Variants in PHC3 observed in about 807,000 individuals in gnomAD.
PHC3 encodes the protein polyhomeotic homolog 3, also known as polyhomeotic-like protein 3.
Under a neutral mutation model 107.4 loss-of-function variants are expected in PHC3, and 13 were observed. That is an observed-to-expected ratio of 0.12 (90% CI 0.08 to 0.19). PHC3 has a LOEUF of 0.19. PHC3 is among the 10% of genes least tolerant of loss of function. PHC3 has a pLI of 1.00. For missense variants in PHC3, 992 were observed against 1,210.9 expected (o/e 0.82, Z 2.68); for synonymous variants, 456 against 427.4 (o/e 1.07, Z -0.83).
intron 4 of PHC3, among the ~76,000 whole-genome samples, chr3:170,162,194 T>C (rs1029211502): frequency 1.3e-5 from 2 of 152,180 alleles, no homozygotes; most frequent in Non-Finnish European, 2.9e-5. Flanking sequence ...CATCACACCA[T>C]GAACAGTAGT....
chr3:170,179,046 G>A, intron 1 of PHC3, 108 bp from the exon 2 acceptor site: 1 of 1,087,834 alleles, frequency 9.2e-7, no homozygotes, highest in Admixed American at 2.3e-5. Flanking sequence ...TGCTAGGAAG[G>A]CTCTCATAAA....
chr3:170,128,243 G>A, intron 8 of PHC3: 4 of 521,630 alleles, frequency 7.7e-6, no homozygotes, highest in South Asian at 4.2e-5. Flanking sequence ...AAAAGCCCAA[G>A]ACTCTAGGAT....
At chr3:170,180,053 C>T (rs1731128754) in intron 1 of PHC3, among the ~76,000 whole-genome samples, 1 of 151,046 alleles carries the variant, frequency 6.6e-6, no homozygotes, top group Non-Finnish European at 1.5e-5. Context: ...ATTACCATAG[C>T]GTTGCTTTTT....
chr3:170,181,556 C>T, intron 1 of PHC3, 146 bp downstream of exon 1: 3 of 1,197,220 alleles, frequency 2.5e-6, no homozygotes, highest in Non-Finnish European at 3.6e-6. Context: ...ACGGGCCTAG[C>T]CGGCTCCTCC....
chr3:170,143,721 C>T (rs1577140043), intron 6 of PHC3, among the ~76,000 whole-genome samples: 1 of 152,306 alleles, frequency 6.6e-6, no homozygotes, highest in Non-Finnish European at 1.5e-5. Flanking sequence ...GTGTAACTTA[C>T]ATACAATAAA....
chr3:170,119,385 G>T (rs988240693), intron 9 of PHC3, among the ~76,000 whole-genome samples: 19 of 152,124 alleles, frequency 1.2e-4, no homozygotes, highest in African/African-American at 4.6e-4. Flanking sequence ...AATTTGGTTT[G>T]TTCAAGAAAT....
chr3:170,146,042 C>A (rs981532134), intron 5 of PHC3, among the ~76,000 whole-genome samples: 7 of 152,174 alleles, frequency 4.6e-5, no homozygotes, highest in African/African-American at 1.7e-4. Flanking sequence ...AAGGACAAAT[C>A]CAGGTTGCCC....
At chr3:170,152,748 T>C (rs1287427311) in intron 4 of PHC3, among the ~76,000 whole-genome samples, 1 of 151,218 alleles carries the variant, frequency 6.6e-6, no homozygotes, top group African/African-American at 2.4e-5. Context: ...GCAGCCCCAA[T>C]TTCCTAGACT....
chr3:170,115,197 T>A (rs1302605085), intron 10 of PHC3, among the ~76,000 whole-genome samples: 1 of 152,046 alleles, frequency 6.6e-6, no homozygotes, highest in African/African-American at 2.4e-5. Context: ...GGAAACCTAA[T>A]GTCCAACAAT....
chr3:170,145,328 T>C (rs1724769437), intron 6 of PHC3, 95 bp downstream of exon 6: 2 of 926,682 alleles, frequency 2.2e-6, no homozygotes. Context: ...CAAAGAGCAC[T>C]GAAACCATCA....
At position 170,117,575 on chromosome 3, in the gene PHC3, C is replaced by G. The variant is rs553535684; in HGVS notation, c.1943-99G>C. The G allele has an allele frequency of 1.3e-5, 16 of 1,219,716 alleles. No homozygotes were observed. In the African/African-American group the frequency reaches 2.1e-4, roughly 16 times the overall value. 75.6% of individuals were successfully genotyped at this position (1,219,716 alleles called of 1,614,324 possible). The stretch of plus-strand genomic sequence containing the variant: ...AATAAATAATAACAACAGTTAATAT[C>G]TGGTACTTTCAAAAACTGTTCTAAG... On this transcript the variant is annotated intron_variant, in intron 9 of 14. Coordinates refer to ENST00000495893, the MANE Select transcript of PHC3 (RefSeq NM_024947.4).
At chr3:170,131,290 A>G (rs762724544) in intron 7 of PHC3, among the ~76,000 whole-genome samples, 4 of 152,192 alleles carry the variant, frequency 2.6e-5, no homozygotes, top group Non-Finnish European at 4.4e-5. Context: ...GTATTCAAAA[A>G]GGGTAAATTA....
intron 6 of PHC3, among the ~76,000 whole-genome samples, chr3:170,138,929 T>A (rs1363919894): frequency 6.6e-6 from 1 of 152,084 alleles, no homozygotes; most frequent in East Asian, 1.9e-4. Flanking sequence ...AATGCCATCT[T>A]TTCTCAAAGC....
Position 170,092,890 on chromosome 3 carries a change from A to T in PHC3, c.*4340T>A, listed in dbSNP as rs1401746021. On this transcript the variant is annotated 3_prime_UTR_variant, in exon 15 of 15. Transcript: ENST00000495893. ...TGAGTCTGATTACAGGTAAATCTTG[A>T]CATATAAAAACTATAACCTATTTAC... is the stretch of plus-strand genomic sequence containing the variant. The T allele has an allele frequency of 1.3e-5, 2 of 152,214 alleles. No individual in the cohort carries two copies. The highest frequency in any genetic ancestry group is 1.5e-5 in the Non-Finnish European group (1 of 68,042). The allele number at this position is 152,214 out of a possible 1,614,324, so 9.4% of individuals were successfully genotyped here. A position where few individuals can be genotyped will look rare whatever the true frequency, so the allele number is the denominator to read the frequency against.
chr3:170,113,550 C>T (rs1229200757), intron 10 of PHC3, 31 bp from the exon 11 acceptor site: 3 of 1,565,134 alleles, frequency 1.9e-6, no homozygotes, highest in Non-Finnish European at 2.6e-6. Flanking sequence ...TAAAATGAAA[C>T]AATCTCCAAA....
Position 170,128,935 on chromosome 3 carries a change from T to G in PHC3, c.1537A>C (p.Ser513Arg). The change falls in exon 8 of 15, where the codon AGT becomes CGT. Residue 513 changes from serine to arginine, a missense_variant. Around this residue, in one of 6 missense-constraint regions of PHC3, gnomAD observed 543 missense variants for 590.8 expected, o/e 0.92. Coordinates refer to ENST00000495893, the MANE Select transcript of PHC3 (RefSeq NM_024947.4). ...GGAGATGTCGACATCTGTGGAGGAC[T>G]TGCAATTGGGATTGGAGAGGACTGC... ...SLQSSPIPIA[S>R]PPQMSTSPPA... 1 of 1,613,970 alleles carries G rather than the reference T, an allele frequency of 6.2e-7. No homozygotes were observed. The highest frequency in any genetic ancestry group is 8.5e-7 in the Non-Finnish European group (1 of 1,179,866).
chr3:170,107,053 T>C (rs1314593950), intron 11 of PHC3, 107 bp from the exon 12 acceptor site: 11 of 646,394 alleles, frequency 1.7e-5, no homozygotes, highest in Middle Eastern at 2.8e-4. Flanking sequence ...CAATGGCCCT[T>C]TAACTTTTCA....
In PHC3 at chr3:170,102,667, T is replaced by C. The variant is rs765221373; in HGVS notation, c.2645A>G (p.His882Arg). The C allele has an allele frequency of 1.2e-6, 2 of 1,613,958 alleles. No individual in the cohort carries two copies. Among genetic ancestry groups the C allele is most frequent in the South Asian group, 1.1e-5 (1 of 91,088 alleles). Residue 882 changes from histidine (H) to arginine (R), a missense_variant, in exon 14 of 15, where the codon CAT becomes CGT. Transcript: ENST00000495893. ...CATAGCAGATGGCACAGAATCTTCA[T>C]GAGAAGCCAAGTCTTCTTCTGCAGA... ...YPSAEEDLAS[H>R]EDSVPSAMTT...
At chr3:170,112,969 A>G (rs982196684) in intron 11 of PHC3, among the ~76,000 whole-genome samples, 1 of 152,268 alleles carries the variant, frequency 6.6e-6, no homozygotes, top group Non-Finnish European at 1.5e-5. Context: ...AAAGTCTGAA[A>G]CGAAACAACC....
Sources: allele counts gnomAD v4.1 joint callset (sites outside exome capture counted in the v4.1 genomes callset), GRCh38; gene constraint gnomAD v4.1.1; regional missense constraint gnomAD v4.1.1; transcripts MANE v1.5; gene names NCBI Gene and HGNC (gene_info 2026-07-23, HGNC 2026-07-21).